The following ZSCAN5A variants were observed in gnomAD, a reference collection of about 807,000 sequenced individuals.
ZSCAN5A encodes zinc finger and SCAN domain-containing protein 5A.
A neutral mutation model predicts 23.7 loss-of-function variants in ZSCAN5A; 12 were observed. That is an observed-to-expected ratio of 0.51 (90% CI 0.32 to 0.82). The LOEUF is 0.82. Ranked by LOEUF, ZSCAN5A falls within the 40% of genes least tolerant of loss-of-function variation. ZSCAN5A has a pLI of 0.03. For synonymous variants in ZSCAN5A, 257 were observed against 239.9 expected (o/e 1.07, Z -0.66); for missense variants, 597 against 617.9 (o/e 0.97, Z 0.36).
chr19:56,266,153 T>C (rs2037454484), intron 2 of ZSCAN5A: 1 of 152,230 alleles, frequency 6.6e-6, no homozygotes. Flanking sequence ...TATGAGCTAA[T>C]AGATATGAAG....
At chr19:56,338,664 G>A (rs1399114780) in intron 2 of ZSCAN5A, 1 of 152,224 alleles carries the variant, frequency 6.6e-6, no homozygotes, top group Non-Finnish European at 1.5e-5. Flanking sequence ...CAGGACTATG[G>A]GTCTTTGTCT....
At chr19:56,302,469 C>G (rs1330239258) in intron 2 of ZSCAN5A, among the ~76,000 whole-genome samples, 1 of 146,646 alleles carries the variant, frequency 6.8e-6, no homozygotes, top group Non-Finnish European at 1.5e-5. Flanking sequence ...TGCTTCCTCC[C>G]TCCCTTCTTC....
chr19:56,289,218 C>T (rs1040946547), intron 2 of ZSCAN5A, among the ~76,000 whole-genome samples: 1 of 152,172 alleles, frequency 6.6e-6, no homozygotes, highest in African/African-American at 2.4e-5. Flanking sequence ...TGGACAATTC[C>T]TAAATTTTAG....
At chr19:56,312,340 T>C (rs2041089547) in intron 2 of ZSCAN5A, 1 of 152,164 alleles carries the variant, frequency 6.6e-6, no homozygotes. Context: ...TTAAAAAAAC[T>C]TTACAAGTCA....
chr19:56,292,781 G>C (rs186956757), intron 2 of ZSCAN5A, among the ~76,000 whole-genome samples: 1 of 152,250 alleles, frequency 6.6e-6, no homozygotes, highest in East Asian at 1.9e-4. Flanking sequence ...GCAAGTTTGA[G>C]GATTCTAGGT....
chr19:56,358,890 C>A (rs947819261), intron 2 of ZSCAN5A, among the ~76,000 whole-genome samples: 2 of 152,152 alleles, frequency 1.3e-5, no homozygotes, highest in Admixed American at 1.3e-4. Context: ...AACGAAGAGA[C>A]AACATACCAG....
chr19:56,295,024 GGT>G (rs1476702967), intron 2 of ZSCAN5A: 1 of 152,230 alleles, frequency 6.6e-6, no homozygotes, highest in Non-Finnish European at 1.5e-5. Flanking sequence ...AGGGGCACCA[GGT>G]TTGGAGGCAA....
chr19:56,231,963 C>T (rs551660941), intron 2 of ZSCAN5A, among the ~76,000 whole-genome samples: 1 of 148,208 alleles, frequency 6.7e-6, no homozygotes, highest in South Asian at 2.2e-4. Context: ...AGATCACGGA[C>T]AGAATTTTCT....
chr19:56,239,413 T>C (rs543353875), intron 2 of ZSCAN5A, among the ~76,000 whole-genome samples: 4 of 152,340 alleles, frequency 2.6e-5, no homozygotes, highest in African/African-American at 7.2e-5. Context: ...CGCAGTATAA[T>C]TCACACCTAA....
chr19:56,225,584 C>T (rs771105337), intron 2 of ZSCAN5A, among the ~76,000 whole-genome samples: 2 of 152,166 alleles, frequency 1.3e-5, no homozygotes, highest in African/African-American at 4.8e-5. Context: ...ATATTTTCCC[C>T]AACACATATT....
chr19:56,319,620 A>C (rs2041354317), upstream of ZSCAN5A, among the ~76,000 whole-genome samples: 1 of 151,708 alleles, frequency 6.6e-6, no homozygotes, highest in African/African-American at 2.4e-5. Context: ...CGTGTGTTTT[A>C]GCATTTAGCA....
chr19:56,246,931 G>A (rs2035954221), intron 2 of ZSCAN5A: 4 of 1,590,864 alleles, frequency 2.5e-6, no homozygotes, highest in Non-Finnish European at 3.4e-6. Context: ...AGGGCCTCAA[G>A]GAGGAGCCAC....
chr19:56,356,670 A>G (rs1012712292), intron 2 of ZSCAN5A, among the ~76,000 whole-genome samples: 1 of 148,892 alleles, frequency 6.7e-6, no homozygotes, highest in Non-Finnish European at 1.5e-5. Context: ...GAGAAAACCA[A>G]GAGTGTATAA....
intron 2 of ZSCAN5A, among the ~76,000 whole-genome samples, chr19:56,234,502 A>G (rs1568622822): frequency 6.6e-6 from 1 of 152,192 alleles, no homozygotes; most frequent in Non-Finnish European, 1.5e-5. Context: ...TGTTTTAAAA[A>G]AAAAACAACA....
chr19:56,331,103 G>A (rs1225942756), intron 2 of ZSCAN5A, among the ~76,000 whole-genome samples: 4 of 152,116 alleles, frequency 2.6e-5, no homozygotes, highest in African/African-American at 9.7e-5. Context: ...ATTGTCTAAG[G>A]TCAGATGGCT....
At chr19:56,285,059 T>C (rs1439434573) in intron 2 of ZSCAN5A, 4 of 980,552 alleles carry the variant, frequency 4.1e-6, no homozygotes, top group Non-Finnish European at 3.6e-6. Flanking sequence ...AAACCTGGTC[T>C]TTCTCTTGTC....
chr19:56,318,140 TTGTG>T (rs1411362773), upstream of ZSCAN5A: 1 of 151,544 alleles, frequency 6.6e-6, no homozygotes, highest in African/African-American at 2.4e-5. Context: ...TGTGTGAGAG[TTGTG>T]TGTGTGAGTT....
intron 2 of ZSCAN5A, among the ~76,000 whole-genome samples, chr19:56,337,180 G>A (rs1456263880): frequency 6.6e-6 from 1 of 152,244 alleles, no homozygotes; most frequent in Non-Finnish European, 1.5e-5. Context: ...TGCCCCCACA[G>A]GTGGAGCCTA....
chr19:56,266,995 G>T (rs555546518), intron 2 of ZSCAN5A, among the ~76,000 whole-genome samples: 2 of 151,996 alleles, frequency 1.3e-5, no homozygotes, highest in Non-Finnish European at 2.9e-5. Context: ...TTCTTTCTGC[G>T]TGTCAAATTC....
Sources: gnomAD v4.1 joint callset for allele counts (sites outside exome capture counted in the v4.1 genomes callset) on GRCh38, gnomAD v4.1.1 for gene constraint, MANE v1.5 for transcripts, NCBI Gene and HGNC (gene_info 2026-07-23, HGNC 2026-07-21) for gene names.